The following ITGBL1 variants were observed in gnomAD, a reference collection of about 807,000 sequenced individuals.
The protein encoded by ITGBL1 is integrin subunit beta like 1.
A neutral mutation model predicts 68.5 loss-of-function variants in ITGBL1; 51 were observed. That is an observed-to-expected ratio of 0.74 (90% CI 0.59 to 0.94). The LOEUF (loss-of-function observed/expected upper bound fraction) is 0.94. ITGBL1 is among the 40% of genes least tolerant of loss of function. The pLI is 0.00. For missense variants in ITGBL1, 649 were observed against 647.4 expected, an observed-to-expected ratio of 1.00 and a Z score of -0.03; for synonymous variants, 209 against 227.3, an observed-to-expected ratio of 0.92 and a Z score of 0.72.
chr13:101,618,846 T>A (rs1165277954), intron 7 of ITGBL1, among the ~76,000 whole-genome samples: 1 of 152,054 alleles, frequency 6.6e-6, no homozygotes, highest in Non-Finnish European at 1.5e-5. Context: ...TCCTTAGCAG[T>A]TTAAGGGAGA....
At chr13:101,536,240 C>T (rs1262296945) in intron 2 of ITGBL1, among the ~76,000 whole-genome samples, 1 of 151,698 alleles carries the variant, frequency 6.6e-6, no homozygotes, top group African/African-American at 2.4e-5. Context: ...GTATTTGTAC[C>T]CTATCCCTCC....
chr13:101,620,829 A>G (rs1002570380), intron 7 of ITGBL1, among the ~76,000 whole-genome samples: 5 of 152,136 alleles, frequency 3.3e-5, no homozygotes, highest in African/African-American at 9.7e-5. Flanking sequence ...GACTCCCACC[A>G]GTGAGGAAAT....
At chr13:101,482,585 A>G (rs1338528032) in intron 2 of ITGBL1, among the ~76,000 whole-genome samples, 1 of 152,172 alleles carries the variant, frequency 6.6e-6, no homozygotes, top group Non-Finnish European at 1.5e-5. Context: ...CACCCTAAAT[A>G]TACCATGAAA....
Position 101,579,391 on chromosome 13 carries a change from T to C in ITGBL1, c.691T>C (p.Cys231Arg), listed in dbSNP as rs1425035327. ...CACCCCCTGGGAAAGCAAGCGAAGA[T>C]GCACGTCTCCAGATGGCAAAATCTG... ...DITPWESKRR[C>R]TSPDGKICSN... The change falls in exon 5 of 11, where the codon TGC (cysteine) becomes CGC (arginine). Residue 231 changes from cysteine to arginine, a missense_variant. Cys to Arg is a radical substitution (Grantham distance 180). Coordinates refer to ENST00000376180, the MANE Select transcript of ITGBL1 (RefSeq NM_004791.3). The C allele has an allele frequency of 5.6e-6, 9 of 1,613,748 alleles. No homozygotes were observed. The highest frequency in any genetic ancestry group is 2.2e-5 in the South Asian group (2 of 91,078).
intron 7 of ITGBL1, among the ~76,000 whole-genome samples, chr13:101,614,186 T>C (rs1388381517): frequency 6.6e-6 from 1 of 152,090 alleles, no homozygotes; most frequent in Non-Finnish European, 1.5e-5. Flanking sequence ...TGAAAGATAA[T>C]TGGCTGAATA....
intron 2 of ITGBL1, among the ~76,000 whole-genome samples, chr13:101,548,770 A>G (rs559137782): frequency 6.6e-6 from 1 of 151,954 alleles, no homozygotes; most frequent in Admixed American, 6.5e-5. Flanking sequence ...AAGAGAATAT[A>G]GTAGACAATT....
chr13:101,548,434 A>T (rs571645301), intron 2 of ITGBL1, among the ~76,000 whole-genome samples: 2 of 151,988 alleles, frequency 1.3e-5, no homozygotes, highest in African/African-American at 4.8e-5. Flanking sequence ...TTGAAAAGCT[A>T]TTTAACAAAA....
intron 6 of ITGBL1, among the ~76,000 whole-genome samples, chr13:101,593,431 C>A (rs900876839): frequency 6.6e-6 from 1 of 151,914 alleles, no homozygotes; most frequent in South Asian, 2.1e-4. Context: ...AGATATATAT[C>A]CAAAAGAAGT....
chr13:101,601,496 C>G (rs926787090), intron 7 of ITGBL1, among the ~76,000 whole-genome samples: 5 of 152,170 alleles, frequency 3.3e-5, no homozygotes, highest in Admixed American at 1.3e-4. Context: ...TGTGTTTGCT[C>G]TTGCTTCTCT....
At chr13:101,485,493 A>G (rs918785459) in intron 2 of ITGBL1, among the ~76,000 whole-genome samples, 1 of 152,154 alleles carries the variant, frequency 6.6e-6, no homozygotes, top group Non-Finnish European at 1.5e-5. Context: ...GTGAGATACT[A>G]CCTTACTCCT....
rs373786018 is a variant in ITGBL1 at position 101,688,250 on chromosome 13, C to T, written c.1016-4335C>T. ...TTTAACAATTGGGTTGAGGCACTTG[C>T]TTATCTAGTTTAAACTTTGCATTCA... On this transcript the variant is annotated intron_variant, in intron 7 of 10. Transcript: ENST00000376180. 2.6e-5 allele frequency among the ~76,000 whole-genome samples: 4 copies of T among 152,152 alleles called. No individual in the cohort carries two copies. The East Asian group carries it at 7.7e-4, about 29-fold the overall frequency.
At chr13:101,467,419 A>G (rs924996296) in intron 2 of ITGBL1, among the ~76,000 whole-genome samples, 1 of 152,036 alleles carries the variant, frequency 6.6e-6, no homozygotes. Context: ...CGTTTTTGGG[A>G]CTCTACGTGG....
chr13:101,499,045 A>G (rs1239332746), intron 2 of ITGBL1, among the ~76,000 whole-genome samples: 1 of 151,992 alleles, frequency 6.6e-6, no homozygotes, highest in Non-Finnish European at 1.5e-5. Context: ...CCCTCTCACA[A>G]CTCATGGGAA....
chr13:101,507,883 A>C (rs1424475930), intron 2 of ITGBL1, among the ~76,000 whole-genome samples: 1 of 152,186 alleles, frequency 6.6e-6, no homozygotes, highest in Non-Finnish European at 1.5e-5. Context: ...TACATAGGGC[A>C]TTGCTCGCAA....
At chr13:101,530,378 A>C (rs2049452836) in intron 2 of ITGBL1, among the ~76,000 whole-genome samples, 2 of 152,200 alleles carry the variant, frequency 1.3e-5, no homozygotes, top group South Asian at 4.1e-4. Flanking sequence ...AGTAATTATA[A>C]TAATATTAGC....
intron 2 of ITGBL1, among the ~76,000 whole-genome samples, chr13:101,519,037 A>G (rs953403899): frequency 6.6e-6 from 1 of 152,220 alleles, no homozygotes; most frequent in African/African-American, 2.4e-5. Flanking sequence ...CCACATGCAG[A>G]AAATACTCCT....
chr13:101,479,639 A>C (rs1368804968), intron 2 of ITGBL1, among the ~76,000 whole-genome samples: 1 of 152,100 alleles, frequency 6.6e-6, no homozygotes, highest in African/African-American at 2.4e-5. Context: ...AATCCAATCA[A>C]AATGGGCCAA....
chr13:101,587,117 G>T (rs1168498267), intron 6 of ITGBL1, among the ~76,000 whole-genome samples: 2 of 152,210 alleles, frequency 1.3e-5, no homozygotes, highest in East Asian at 3.9e-4. Context: ...GGACGGATTA[G>T]TTTAAGTTAG....
At chr13:101,513,498 CATG>C (rs1398597253) in intron 2 of ITGBL1, among the ~76,000 whole-genome samples, 1 of 152,020 alleles carries the variant, frequency 6.6e-6, no homozygotes, top group African/African-American at 2.4e-5. Context: ...TGTTGTTGAT[CATG>C]ATGATCATTG....
Sources: gnomAD v4.1 joint callset for allele counts (sites outside exome capture counted in the v4.1 genomes callset) on GRCh38, gnomAD v4.1.1 for gene constraint, MANE v1.5 for transcripts, NCBI Gene and HGNC (gene_info 2026-07-23, HGNC 2026-07-21) for gene names.